CNTN5: variants seen among roughly 807,000 people sequenced by gnomAD.
CNTN5 encodes the protein contactin 5.
A neutral mutation model predicts 129.1 loss-of-function variants in CNTN5; 77 were observed. That is an observed-to-expected ratio of 0.60 (90% confidence interval 0.50 to 0.72). CNTN5 has a LOEUF of 0.72. Among genes scored for constraint, CNTN5 ranks in the 30% least tolerant of loss-of-function variants. The probability of loss-of-function intolerance (pLI) is 0.00; values close to 1 mark genes in which losing one functional copy is unlikely to be tolerated. For synonymous variants in CNTN5, 509 were observed against 465.6 expected, an observed-to-expected ratio of 1.09 and a Z score of -1.20; for missense variants, 1,478 against 1,328.8, an observed-to-expected ratio of 1.11 and a Z score of -1.75.
chr11:99,696,559 A>G (rs1954278062), intron 3 of CNTN5, among the ~76,000 whole-genome samples: 1 of 151,906 alleles, frequency 6.6e-6, no homozygotes, highest in African/African-American at 2.4e-5. Context: ...TGTAATATTT[A>G]TGGAGGAATT....
At chr11:99,036,581 A>G (rs1863746143) in intron 1 of CNTN5, among the ~76,000 whole-genome samples, 1 of 152,144 alleles carries the variant, frequency 6.6e-6, no homozygotes, top group South Asian at 2.1e-4. Context: ...ATTTTATATG[A>G]GTGGATCTTG....
intron 24 of CNTN5, among the ~76,000 whole-genome samples, chr11:100,355,303 C>T (rs542813306): frequency 3.3e-4 from 50 of 151,744 alleles, no homozygotes; most frequent in African/African-American, 1.2e-3. Flanking sequence ...ATCAGTCTTC[C>T]ATCTCCACAT....
At chr11:100,269,508 G>A (rs555484477) in intron 17 of CNTN5, among the ~76,000 whole-genome samples, 1 of 152,052 alleles carries the variant, frequency 6.6e-6, no homozygotes, top group Admixed American at 6.5e-5. Context: ...ATGTGGGAGA[G>A]AGAGGAAAAA....
chr11:100,319,404 C>T (rs1010151944), intron 21 of CNTN5, among the ~76,000 whole-genome samples: 2 of 152,156 alleles, frequency 1.3e-5, no homozygotes, highest in Non-Finnish European at 2.9e-5. Context: ...CCACCTGCCT[C>T]AGCCTCTGAA....
At chr11:99,489,083 T>C (rs1424146942) in intron 2 of CNTN5, among the ~76,000 whole-genome samples, 1 of 152,164 alleles carries the variant, frequency 6.6e-6, no homozygotes, top group Non-Finnish European at 1.5e-5. Context: ...TAAATACCCT[T>C]GCTTTTCTTT....
intron 3 of CNTN5, among the ~76,000 whole-genome samples, chr11:99,730,649 A>G (rs1162485514): frequency 2.6e-5 from 4 of 152,182 alleles, no homozygotes; most frequent in Admixed American, 6.5e-5. Flanking sequence ...GTTCTTCAAT[A>G]ACAAATGAGT....
At chr11:99,693,406 A>G (rs1307186261) in intron 3 of CNTN5, among the ~76,000 whole-genome samples, 1 of 152,086 alleles carries the variant, frequency 6.6e-6, no homozygotes, top group Non-Finnish European at 1.5e-5. Context: ...GATACATAGT[A>G]CAAAAGAAGT....
At chr11:99,312,764 A>T (rs74758892) in intron 1 of CNTN5, among the ~76,000 whole-genome samples, 30 of 151,996 alleles carry the variant, frequency 2.0e-4, no homozygotes, top group Non-Finnish European at 3.2e-4. Context: ...ATTCCAAAAA[A>T]TCCTACATGA....
At chr11:100,348,524 A>G (rs1952335862) in intron 23 of CNTN5, among the ~76,000 whole-genome samples, 1 of 151,986 alleles carries the variant, frequency 6.6e-6, no homozygotes, top group African/African-American at 2.4e-5. Context: ...GCATTGCTGG[A>G]TGTATTTTTC....
Position 99,529,268 on chromosome 11 carries a change from C to T in CNTN5, c.-70-26877C>T, listed in dbSNP as rs537687352. ...CTAGTCTCCTCTGGAAACACCCACA[C>T]AGACATATTCAAAATAATGCTTTAC... On this transcript the variant is annotated intron_variant, in intron 2 of 24. Coordinates refer to ENST00000524871, the MANE Select transcript of CNTN5 (RefSeq NM_014361.4). 3.2e-4 allele frequency among the ~76,000 whole-genome samples: 48 copies of T among 152,274 alleles called. 1 individual carries two copies. Among genetic ancestry groups the T allele is most frequent in the African/African-American group, 1.1e-3 (47 of 41,560 alleles).
intron 1 of CNTN5, among the ~76,000 whole-genome samples, chr11:99,155,210 G>A (rs748119805): frequency 6.6e-6 from 1 of 152,124 alleles, no homozygotes; most frequent in Non-Finnish European, 1.5e-5. Context: ...CTTCCGCCCA[G>A]CATCTGTGTC....
chr11:99,580,553 T>A (rs1200276794), intron 3 of CNTN5, among the ~76,000 whole-genome samples: 1 of 152,188 alleles, frequency 6.6e-6, no homozygotes, highest in Non-Finnish European at 1.5e-5. Context: ...CCTGGTTTAG[T>A]CTTGGGAGGG....
At chr11:99,888,177 C>T (rs955570213) in intron 6 of CNTN5, among the ~76,000 whole-genome samples, 6 of 152,148 alleles carry the variant, frequency 3.9e-5, no homozygotes, top group South Asian at 2.1e-4. Context: ...TCATTATCAT[C>T]GTTCCATGCA....
chr11:99,989,065 TG>T (rs1172631052), intron 8 of CNTN5, among the ~76,000 whole-genome samples: 2 of 152,222 alleles, frequency 1.3e-5, no homozygotes, highest in African/African-American at 4.8e-5. Flanking sequence ...CATATTTCTT[TG>T]TTTTATCATG....
chr11:99,897,856 G>A (rs1023168086), intron 6 of CNTN5, among the ~76,000 whole-genome samples: 8 of 152,088 alleles, frequency 5.3e-5, no homozygotes, highest in Admixed American at 4.6e-4. Context: ...TGGCAAATTG[G>A]ATAAATAAAT....
At chr11:99,294,344 A>G (rs1006011835) in intron 1 of CNTN5, among the ~76,000 whole-genome samples, 8 of 152,232 alleles carry the variant, frequency 5.3e-5, no homozygotes, top group African/African-American at 1.7e-4. Flanking sequence ...CTCAGTGTAA[A>G]TAGCTCATTA....
chr11:100,087,879 C>T (rs936117553), intron 13 of CNTN5, among the ~76,000 whole-genome samples: 1 of 151,766 alleles, frequency 6.6e-6, no homozygotes, highest in East Asian at 1.9e-4. Context: ...GGCCATAAAG[C>T]AAGTCTTAAT....
intron 8 of CNTN5, among the ~76,000 whole-genome samples, chr11:99,964,968 C>A (rs143178174): frequency 0.03 from 4,519 of 152,300 alleles, 215 homozygotes; most frequent in East Asian, 0.21. Context: ...ACAGTATTCT[C>A]TGATGGTAGT....
chr11:100,333,408 G>GAAAAAAAAAAAAA (rs547220238), intron 21 of CNTN5, among the ~76,000 whole-genome samples: 2 of 74,274 alleles, frequency 2.7e-5, no homozygotes, highest in Non-Finnish European at 4.9e-5. Flanking sequence ...CACTGAATTA[G>GAAAAAAAAAAAAA]AAAAAAAAAA....
Sources: gnomAD v4.1 joint callset for allele counts (sites outside exome capture counted in the v4.1 genomes callset) on GRCh38, gnomAD v4.1.1 for gene constraint, MANE v1.5 for transcripts, NCBI Gene and HGNC (gene_info 2026-07-23, HGNC 2026-07-21) for gene names.